PTPRM: variants seen among roughly 807,000 people sequenced by gnomAD.
PTPRM encodes the protein protein tyrosine phosphatase receptor type M.
A neutral mutation model predicts 186.7 loss-of-function variants in PTPRM; 47 were observed. That is an observed-to-expected ratio of 0.25 (90% CI 0.20 to 0.32). The LOEUF (loss-of-function observed/expected upper bound fraction) is 0.32, where lower values mean the gene tolerates loss of function less well. PTPRM is among the 10% of genes least tolerant of loss of function. The probability of loss-of-function intolerance (pLI) is 1.00; values close to 1 mark genes in which losing one functional copy is unlikely to be tolerated. For missense variants in PTPRM, 1,494 were observed against 1,865.0 expected (o/e 0.80, Z 3.66); for synonymous variants, 668 against 674.9 (o/e 0.99, Z 0.16).
chr18:7,666,749 A>C (rs1419566071), intron 1 of PTPRM, among the ~76,000 whole-genome samples: 1 of 152,170 alleles, frequency 6.6e-6, no homozygotes, highest in African/African-American at 2.4e-5. Context: ...TTTTCCCACT[A>C]TATCCAATGT....
intron 1 of PTPRM, among the ~76,000 whole-genome samples, chr18:7,722,264 C>T (rs1241206768): frequency 1.1e-4 from 17 of 152,266 alleles, no homozygotes; most frequent in Non-Finnish European, 1.9e-4. Context: ...ATAGTCTTTT[C>T]AGATTGGCTT....
chr18:7,657,014 T>C (rs1186402227), intron 1 of PTPRM, among the ~76,000 whole-genome samples: 1 of 151,076 alleles, frequency 6.6e-6, no homozygotes. Context: ...ACTTTCTGCT[T>C]CTTACCAGCT....
chr18:8,242,466 T>C (rs966787502), intron 14 of PTPRM, among the ~76,000 whole-genome samples: 10 of 152,164 alleles, frequency 6.6e-5, no homozygotes, highest in Admixed American at 1.3e-4. Flanking sequence ...CTAGCATGGC[T>C]AGCTGGGAGG....
intron 7 of PTPRM, among the ~76,000 whole-genome samples, chr18:8,057,425 C>CTTTTTTTTTTTTTTTTTTTTTTTTTTTTT (rs763829289): frequency 1.6e-4 from 16 of 102,530 alleles, no homozygotes; most frequent in African/African-American, 3.0e-4. Flanking sequence ...TGTGATACTT[C>CTTTTTTTTTTTTTTTTTTTTTTTTTTTTT]TTTTTTTTTT....
At chr18:8,216,904 A>G (rs1213092404) in intron 14 of PTPRM, among the ~76,000 whole-genome samples, 1 of 152,238 alleles carries the variant, frequency 6.6e-6, no homozygotes, top group East Asian at 1.9e-4. Context: ...CCCTCTCTGG[A>G]GAATCTGTTG....
chr18:7,693,401 C>T (rs186061044), intron 1 of PTPRM, among the ~76,000 whole-genome samples: 2 of 152,270 alleles, frequency 1.3e-5, no homozygotes, highest in East Asian at 1.9e-4. Flanking sequence ...CCAGACCATT[C>T]GATCCCAAAG....
intron 32 of PTPRM, among the ~76,000 whole-genome samples, chr18:8,401,632 G>A (rs967258751): frequency 2.0e-5 from 3 of 152,224 alleles, no homozygotes; most frequent in Non-Finnish European, 4.4e-5. Context: ...CGTTGATGTG[G>A]TGTTTGAAGT....
rs115986115 is a variant in PTPRM at position 8,324,138 on chromosome 18, G to A, written c.2956+4924G>A. 8.1e-3 allele frequency among the ~76,000 whole-genome samples: 1,232 copies of A among 152,242 alleles called. 12 individuals are homozygous for A. Among genetic ancestry groups the A allele is most frequent in the African/African-American group, 0.028 (1,183 of 41,538 alleles). On this transcript the variant is annotated intron_variant, in intron 22 of 32. Transcript: ENST00000580170. Reference sequence around the variant, plus strand: ...TCTACTTTTTAAAAAACCATACTTAGGGGTTAACAAAATGTCACAGATTGT... The same window carrying A: ...TCTACTTTTTAAAAAACCATACTTAAGGGTTAACAAAATGTCACAGATTGT...
At chr18:7,901,261 A>G (rs777263370) in intron 3 of PTPRM, among the ~76,000 whole-genome samples, 37 of 152,290 alleles carry the variant, frequency 2.4e-4, no homozygotes, top group Non-Finnish European at 4.3e-4. Context: ...ACATAATGGA[A>G]AATTTGCCAG....
At chr18:7,863,051 T>A (rs1167279807) in intron 2 of PTPRM, among the ~76,000 whole-genome samples, 1 of 152,172 alleles carries the variant, frequency 6.6e-6, no homozygotes, top group African/African-American at 2.4e-5. Flanking sequence ...GGAATAAGAT[T>A]CGTTCTCACA....
At chr18:8,064,294 C>T (rs2088875185) in intron 7 of PTPRM, among the ~76,000 whole-genome samples, 1 of 151,972 alleles carries the variant, frequency 6.6e-6, no homozygotes, top group Admixed American at 6.6e-5. Flanking sequence ...AGACTATGTC[C>T]ATCTTAAACC....
At chr18:7,674,541 AGAACACCAAAGAGGTGTT>A (rs2039292088) in intron 1 of PTPRM, among the ~76,000 whole-genome samples, 1 of 152,140 alleles carries the variant, frequency 6.6e-6, no homozygotes, top group South Asian at 2.1e-4. Flanking sequence ...AGAAGGAGGG[AGAACACCAAAGAGGTGTT>A]GAACCAAAGG....
At chr18:8,244,349 G>C in intron 15 of PTPRM, 140 bp downstream of exon 15, 2 of 835,648 alleles carry the variant, frequency 2.4e-6, no homozygotes, top group East Asian at 6.2e-5. Flanking sequence ...CATTTTCAGT[G>C]ATCCTTTGTG....
At chr18:7,984,907 ATATAAT>A (rs1481640962) in intron 7 of PTPRM, among the ~76,000 whole-genome samples, 1 of 120,414 alleles carries the variant, frequency 8.3e-6, no homozygotes, top group Non-Finnish European at 1.6e-5. Context: ...AAATATATAC[ATATAAT>A]TATATATACA....
At chr18:8,158,831 C>A (rs1275379899) in intron 14 of PTPRM, among the ~76,000 whole-genome samples, 3 of 152,158 alleles carry the variant, frequency 2.0e-5, no homozygotes, top group Non-Finnish European at 4.4e-5. Context: ...GTGTCTCAGA[C>A]TTTGAAACAA....
intron 14 of PTPRM, among the ~76,000 whole-genome samples, chr18:8,177,828 G>T (rs754489131): frequency 6.6e-6 from 1 of 152,162 alleles, no homozygotes; most frequent in Non-Finnish European, 1.5e-5. Flanking sequence ...GTACATATTG[G>T]CATGCTTCCA....
At chr18:7,976,753 G>C (rs139473151) in intron 7 of PTPRM, among the ~76,000 whole-genome samples, 17 of 152,178 alleles carry the variant, frequency 1.1e-4, no homozygotes, top group African/African-American at 4.1e-4. Flanking sequence ...TGAATGCGGA[G>C]TAAGCAACTG....
At chr18:8,067,731 G>A (rs948548644) in intron 7 of PTPRM, among the ~76,000 whole-genome samples, 4 of 152,172 alleles carry the variant, frequency 2.6e-5, no homozygotes, top group African/African-American at 9.6e-5. Context: ...GAATCAAGAA[G>A]GGAACTTCAA....
intron 13 of PTPRM, chr18:8,122,228 C>T (rs76091878): frequency 0.019 from 2,830 of 152,574 alleles, 30 homozygotes; most frequent in Non-Finnish European, 0.023. Flanking sequence ...CCTGGAAATC[C>T]TCCTTTGCCT....
Sources: allele counts gnomAD v4.1 joint callset (sites outside exome capture counted in the v4.1 genomes callset), GRCh38; gene constraint gnomAD v4.1.1; transcripts MANE v1.5; gene names NCBI Gene and HGNC (gene_info 2026-07-23, HGNC 2026-07-21).